The following ZCRB1 variants were observed in gnomAD, a reference collection of about 807,000 sequenced individuals.
ZCRB1 encodes the protein zinc finger CCHC-type and RNA binding motif containing 1.
Under a neutral mutation model 29.9 loss-of-function variants are expected in ZCRB1, and 21 were observed. The observed-to-expected ratio is 0.70, with a 90% CI of 0.50 to 1.01. The LOEUF (loss-of-function observed/expected upper bound fraction) is 1.01, where lower values mean the gene tolerates loss of function less well. Among genes scored for constraint, ZCRB1 ranks in the 50% least tolerant of loss-of-function variants. ZCRB1 has a pLI of 0.00. For missense variants in ZCRB1, 204 were observed against 253.3 expected (o/e 0.81, Z 1.32); for synonymous variants, 77 against 80.0 (o/e 0.96, Z 0.20).
Position 42,313,077 on chromosome 12 carries a change from A to C in ZCRB1, c.644T>G (p.Leu215Arg). 6.3e-7 allele frequency: 1 copy of C among 1,599,282 alleles called. No homozygotes were observed. The highest frequency in any genetic ancestry group is 8.5e-7 in the Non-Finnish European group (1 of 1,174,010). ...KSTYFSDEEE[L>R]SD ...TGCTGGGGCAAGATTTTAATCACTA[A>C]GTTCTTCCTCATCACTGAAATATGT... The change falls in exon 8 of 8, where the codon CTT becomes CGT. Residue 215 changes from leucine (L) to arginine (R), a missense_variant. Coordinates refer to ENST00000266529, the MANE Select transcript of ZCRB1 (RefSeq NM_033114.4).
intron 3 of ZCRB1, among the ~76,000 whole-genome samples, chr12:42,320,965 C>T (rs1006370303): frequency 2.0e-5 from 3 of 152,210 alleles, no homozygotes; most frequent in Admixed American, 6.5e-5. Flanking sequence ...CTTACTCACT[C>T]ATCTCCAGTC....
At chr12:42,318,861 G>A (rs950890241) in intron 3 of ZCRB1, among the ~76,000 whole-genome samples, 1 of 152,130 alleles carries the variant, frequency 6.6e-6, no homozygotes. Context: ...AGGACAATTT[G>A]AGCATCAAAA....
Position 42,313,900 on chromosome 12 carries a change from C to T in ZCRB1, c.420G>A (p.Lys140=), listed in dbSNP as rs1565691292. The T allele has an allele frequency of 2.5e-6, 4 of 1,602,176 alleles. No homozygotes were observed. In the Admixed American group the frequency reaches 7.0e-5, roughly 28 times the overall value. ...PPKKKEKKKK[K]KAPEPEEEIE... ...TTTCTTCTTCTGGTTCAGGAGCTTT[C>T]TTTTTTTTCTTTTTTTCTTTCTTCT... Residue 140 remains lysine, a synonymous_variant, in exon 6 of 8, where the codon AAG becomes AAA. Transcript: ENST00000266529.
chr12:42,317,362 T>C lies in ZCRB1; in HGVS notation c.311A>G (p.Lys104Arg). 1 of 1,611,188 alleles carries C rather than the reference T, an allele frequency of 6.2e-7. No homozygotes were observed. The highest frequency in any genetic ancestry group is 8.5e-7 in the Non-Finnish European group (1 of 1,178,752). The change falls in exon 5 of 8, where the codon AAA (lysine) becomes AGA (arginine). Residue 104 changes from lysine to arginine, a missense_variant. By Grantham distance (26) the Lys-to-Arg change is conservative. Transcript: ENST00000266529. The part of the protein sequence containing the change: ...EFIRRRNYFD[K>R]SKCYECGESG... ...TACCCCACATTCATAACACTTAGAT[T>C]TATCAAAGTAGTTTCGCCTTCGGAT...
At chr12:42,317,491 A>G (rs775677699) in intron 4 of ZCRB1, 44 bp from the exon 5 acceptor site, 1 of 1,419,986 alleles carries the variant, frequency 7.0e-7, no homozygotes, top group Admixed American at 2.3e-5. Context: ...TTTCACTGAA[A>G]CCTAAAATTA....
intron 5 of ZCRB1, 77 bp downstream of exon 5, chr12:42,317,263 G>T: frequency 2.0e-6 from 2 of 1,011,254 alleles, no homozygotes; most frequent in South Asian, 3.3e-5. Context: ...CAGAAGTTTT[G>T]GTGAGCAAAA....
Position 42,322,424 on chromosome 12 carries a change from A to G in ZCRB1, c.107T>C (p.Val36Ala), listed in dbSNP as rs1331384025. 3 of 1,487,602 alleles carry G rather than the reference A, an allele frequency of 2.0e-6. No individual in the cohort carries two copies. Among genetic ancestry groups the G allele is most frequent in the Non-Finnish European group, 2.7e-6 (3 of 1,101,666 alleles). The allele number at this position is 1,487,602 out of a possible 1,614,324, so 92.2% of individuals were successfully genotyped here. A position where few individuals can be genotyped will look rare whatever the true frequency, so the allele number is the denominator to read the frequency against. ...LYRIFSKYGK[V>A]VKVTIMKDKD... Reference sequence around the variant, plus strand: ...ATTTAATGTGAATACTTACTTTACAACTTTGCCATACTTGGAAAATATCTG... The same window carrying G: ...ATTTAATGTGAATACTTACTTTACAGCTTTGCCATACTTGGAAAATATCTG... The change falls in exon 3 of 8, where the codon GTT becomes GCT. Residue 36 changes from valine (V) to alanine (A), a missense_variant. Physicochemically the swap from Val to Ala is moderately conservative, Grantham distance 64. Coordinates refer to ENST00000266529, the MANE Select transcript of ZCRB1 (RefSeq NM_033114.4).
chr12:42,318,366 G>A lies in ZCRB1; in HGVS notation c.114-468C>T, dbSNP rs76280451. Among the ~76,000 whole-genome samples the A allele has an allele frequency of 4.2e-3, 636 of 152,244 alleles. 5 individuals carry two copies. The highest frequency in any genetic ancestry group is 0.014 in the African/African-American group (592 of 41,550). On this transcript the variant is annotated intron_variant, in intron 3 of 7. Transcript: ENST00000266529. ...CCTCCAGAGCTGGTTGTGGTGGTGCGCACCTGTAGTTCCAGCTACTTGGGA... is the reference window on the plus strand; with the variant it reads ...CCTCCAGAGCTGGTTGTGGTGGTGCACACCTGTAGTTCCAGCTACTTGGGA...
Position 42,312,907 on chromosome 12 carries a change from T to C in ZCRB1, c.*160A>G, listed in dbSNP as rs1024070410. On this transcript the variant is annotated 3_prime_UTR_variant, in exon 8 of 8. Coordinates refer to ENST00000266529, the MANE Select transcript of ZCRB1 (RefSeq NM_033114.4). The stretch of plus-strand genomic sequence containing the variant: ...AAATCAGGCATGAATAAAGCCCTTA[T>C]AATGAACTTTTCAAATAAATTTTTA... 11 of 765,086 alleles carry C rather than the reference T, an allele frequency of 1.4e-5. No homozygotes were observed. The highest frequency in any genetic ancestry group is 3.5e-5 in the East Asian group (1 of 28,654). The allele number at this position is 765,086 out of a possible 1,614,324, so 47.4% of individuals were successfully genotyped here.
Position 42,313,945 on chromosome 12 carries a change from G to A in ZCRB1, c.375C>T (p.Leu125=), listed in dbSNP as rs74439664. ...HLSYACPKNM[L]GEREPPKKKE... Reference sequence around the variant, plus strand: ...TCTTCTTTGGAGGCTCACGTTCTCCGAGCATATTTTTCGGACAGGCATAAC... The same window carrying A: ...TCTTCTTTGGAGGCTCACGTTCTCCAAGCATATTTTTCGGACAGGCATAAC... The change falls in exon 6 of 8, where the codon CTC becomes CTT. Residue 125 remains leucine (L), a synonymous_variant. Coordinates refer to ENST00000266529, the MANE Select transcript of ZCRB1 (RefSeq NM_033114.4). 3.7e-5 allele frequency: 60 copies of A among 1,601,412 alleles called. 1 individual carries two copies. In the African/African-American group the frequency reaches 4.2e-4, roughly 11 times the overall value.
intron 2 of ZCRB1, 46 bp downstream of exon 2, chr12:42,323,973 G>A (rs377697000): frequency 1.3e-6 from 2 of 1,506,402 alleles, no homozygotes; most frequent in East Asian, 2.3e-5. Flanking sequence ...ATTTGCTTAA[G>A]GTTATCTGTA....
chr12:42,315,808 A>G (rs1388947700), intron 5 of ZCRB1, among the ~76,000 whole-genome samples: 2 of 152,234 alleles, frequency 1.3e-5, no homozygotes, highest in Admixed American at 1.3e-4. Context: ...AACTTTGGAA[A>G]AGTTTCTAAA....
intron 4 of ZCRB1, 64 bp downstream of exon 4, chr12:42,317,723 T>C: frequency 3.6e-6 from 5 of 1,388,400 alleles, no homozygotes; most frequent in African/African-American, 1.4e-5. Context: ...TATCCCCACA[T>C]TTTTGGCCTG....
intron 3 of ZCRB1, among the ~76,000 whole-genome samples, chr12:42,319,726 T>C (rs11181419): frequency 0.15 from 22,941 of 152,246 alleles, 1,803 homozygotes; most frequent in Admixed American, 0.2. Context: ...ATCTCATCTA[T>C]TTTAATGTAA....
intron 5 of ZCRB1, among the ~76,000 whole-genome samples, chr12:42,314,726 T>C (rs992027484): frequency 6.6e-6 from 1 of 152,116 alleles, no homozygotes; most frequent in East Asian, 1.9e-4. Context: ...CTGAGGCAGG[T>C]GGGTCACCTT....
In ZCRB1 at chr12:42,317,717, C is replaced by T. The variant is rs2068601382; in HGVS notation, c.225+70G>A. The T allele has an allele frequency of 6.9e-6, 9 of 1,312,162 alleles. No homozygotes were observed. In the Admixed American group the frequency reaches 1.4e-4, roughly 21 times the overall value. The allele number at this position is 1,312,162 out of a possible 1,614,324, so 81.3% of individuals were successfully genotyped here. A position where few individuals can be genotyped will look rare whatever the true frequency, so the allele number is the denominator to read the frequency against. Reference sequence around the variant, plus strand: ...GCTAGACCTGATGATCCACTATATCCCCACATTTTTGGCCTGGATGAGCAT... The same window carrying T: ...GCTAGACCTGATGATCCACTATATCTCCACATTTTTGGCCTGGATGAGCAT... On this transcript the variant is annotated intron_variant, in intron 4 of 7. Transcript: ENST00000266529.
At chr12:42,320,926 T>C (rs1250536649) in intron 3 of ZCRB1, among the ~76,000 whole-genome samples, 1 of 152,236 alleles carries the variant, frequency 6.6e-6, no homozygotes, top group African/African-American at 2.4e-5. Context: ...CCTGCTTCCA[T>C]CTCTGGAGCC....
At chr12:42,315,330 A>T (rs2068589759) in intron 5 of ZCRB1, among the ~76,000 whole-genome samples, 1 of 152,208 alleles carries the variant, frequency 6.6e-6, no homozygotes, top group Non-Finnish European at 1.5e-5. Context: ...GTGGGGACTG[A>T]GCCAAGGTTA....
At chr12:42,315,861 T>A (rs1592102026) in intron 5 of ZCRB1, among the ~76,000 whole-genome samples, 1 of 152,278 alleles carries the variant, frequency 6.6e-6, no homozygotes, top group South Asian at 2.1e-4. Flanking sequence ...ATTGACAGAA[T>A]CAGTATGTAT....
Sources: allele counts gnomAD v4.1 joint callset (sites outside exome capture counted in the v4.1 genomes callset), GRCh38; gene constraint gnomAD v4.1.1; transcripts MANE v1.5; gene names NCBI Gene and HGNC (gene_info 2026-07-23, HGNC 2026-07-21).